Variants in TPO observed in about 807,000 individuals in gnomAD.
The protein encoded by TPO is thyroid microsomal antigen.
TPO carries 78 observed loss-of-function variants against 96.9 expected under a neutral mutation model. The observed-to-expected ratio is 0.81, with a 90% CI of 0.67 to 0.97. The LOEUF (loss-of-function observed/expected upper bound fraction) is 0.97. Ranked by LOEUF, TPO falls within the 50% of genes least tolerant of loss-of-function variation. The probability of loss-of-function intolerance (pLI) is 0.00; values close to 1 mark genes in which losing one functional copy is unlikely to be tolerated. For missense variants in TPO, 1,252 were observed against 1,274.8 expected, an observed-to-expected ratio of 0.98 and a Z score of 0.27; for synonymous variants, 547 against 538.0, an observed-to-expected ratio of 1.02 and a Z score of -0.23.
chr2:1,392,739 A>G (rs1312988952), intron 1 of TPO, among the ~76,000 whole-genome samples: 1 of 152,152 alleles, frequency 6.6e-6, no homozygotes, highest in African/African-American at 2.4e-5. Context: ...GTGTTTGTCC[A>G]GGAATTTATC....
At chr2:1,463,008 T>A (rs28910579) in intron 7 of TPO, among the ~76,000 whole-genome samples, 1 of 152,234 alleles carries the variant, frequency 6.6e-6, no homozygotes, top group Non-Finnish European at 1.5e-5. Context: ...ATGTTCATTA[T>A]TGAGCATATA....
At chr2:1,386,157 T>C (rs906943605) in intron 1 of TPO, among the ~76,000 whole-genome samples, 3 of 152,158 alleles carry the variant, frequency 2.0e-5, no homozygotes, top group African/African-American at 7.2e-5. Context: ...TTGGAATAGG[T>C]GCGGGTGTGG....
chr2:1,405,067 G>A (rs898919364), intron 1 of TPO, among the ~76,000 whole-genome samples: 1 of 37,624 alleles, frequency 2.7e-5, no homozygotes, highest in African/African-American at 1.1e-4. Context: ...CACCCGCATA[G>A]ACATCGAGTC....
intron 2 of TPO, among the ~76,000 whole-genome samples, chr2:1,422,372 G>A (rs867548810): frequency 2.1e-5 from 3 of 143,822 alleles, no homozygotes; most frequent in East Asian, 4.0e-4. Context: ...GCGCTGGACC[G>A]ACCTCGTGCA....
chr2:1,521,719 G>T (rs1675288722), intron 15 of TPO, among the ~76,000 whole-genome samples: 1 of 152,054 alleles, frequency 6.6e-6, no homozygotes, highest in Non-Finnish European at 1.5e-5. Context: ...TGTTGTAGTG[G>T]AATCCTTCAG....
chr2:1,482,185 C>G (rs1670713701), intron 8 of TPO, among the ~76,000 whole-genome samples: 1 of 152,220 alleles, frequency 6.6e-6, no homozygotes, highest in South Asian at 2.1e-4. Context: ...CTGTTTCCCA[C>G]CGTCGGTGAC....
At position 1,477,175 on chromosome 2, in the gene TPO, G is replaced by A. The variant is rs1433208263; in HGVS notation, c.909G>A (p.Ala303=). The change falls in exon 8 of 17, where the codon GCG becomes GCA. Residue 303 remains alanine (A), a synonymous_variant. Coordinates refer to ENST00000329066, the MANE Select transcript of TPO (RefSeq NM_001206744.2). ...SAACGTGDQG[A]LFGNLSTANP... ...CCTGCGGCACCGGGGACCAAGGCGC[G>A]CTCTTTGGGAACCTGTCCACGGCCA... is the stretch of plus-strand genomic sequence containing the variant. 6.2e-7 allele frequency: 1 copy of A among 1,609,788 alleles called. No individual in the cohort carries two copies. Among genetic ancestry groups the A allele is most frequent in the East Asian group, 2.2e-5 (1 of 44,752 alleles).
intron 7 of TPO, among the ~76,000 whole-genome samples, chr2:1,457,517 G>T (rs28910577): frequency 0.14 from 4,517 of 32,482 alleles, 564 homozygotes; most frequent in East Asian, 0.34. Flanking sequence ...GTATGATACT[G>T]TGGGTACACA....
intron 15 of TPO, among the ~76,000 whole-genome samples, chr2:1,536,008 A>T (rs1573645219): frequency 1.1e-4 from 1 of 9,024 alleles, no homozygotes; most frequent in Non-Finnish European, 1.8e-4. Flanking sequence ...ACTCTGCGCA[A>T]CCTCCTCAAA....
intron 5 of TPO, among the ~76,000 whole-genome samples, chr2:1,441,447 A>G (rs1432334207): frequency 6.6e-6 from 1 of 152,196 alleles, no homozygotes; most frequent in Non-Finnish European, 1.5e-5. Flanking sequence ...ACATTTTAGA[A>G]TCTCTAAATA....
At chr2:1,481,603 G>C (rs375929844) in intron 8 of TPO, among the ~76,000 whole-genome samples, 4 of 152,240 alleles carry the variant, frequency 2.6e-5, no homozygotes, top group South Asian at 2.1e-4. Flanking sequence ...TCGGGGCAGG[G>C]GCTGCATCCC....
At chr2:1,540,777 A>G (rs1372894507) in intron 16 of TPO, 54 bp downstream of exon 16, 5 of 1,612,912 alleles carry the variant, frequency 3.1e-6, no homozygotes, top group Non-Finnish European at 3.4e-6. Flanking sequence ...GTTGGACAGG[A>G]TCTGGGTGTC....
At chr2:1,507,277 G>A (rs1673569224) in intron 14 of TPO, among the ~76,000 whole-genome samples, 1 of 152,138 alleles carries the variant, frequency 6.6e-6, no homozygotes, top group Non-Finnish European at 1.5e-5. Context: ...TGCTGTTTTG[G>A]TTACTGTAGC....
At chr2:1,388,740 C>A (rs1236187897) in intron 1 of TPO, among the ~76,000 whole-genome samples, 1 of 152,128 alleles carries the variant, frequency 6.6e-6, no homozygotes, top group Non-Finnish European at 1.5e-5. Context: ...TCTGACAAGC[C>A]CCAGTGAGAT....
intron 8 of TPO, among the ~76,000 whole-genome samples, chr2:1,479,245 A>G (rs1670306279): frequency 6.6e-6 from 1 of 152,178 alleles, no homozygotes; most frequent in South Asian, 2.1e-4. Flanking sequence ...TCAACCCCTG[A>G]GGCCTTCGGC....
At chr2:1,406,759 G>A (rs55709027) in intron 1 of TPO, among the ~76,000 whole-genome samples, 3,182 of 152,326 alleles carry the variant, frequency 0.021, 117 homozygotes, top group African/African-American at 0.073. Flanking sequence ...ACAAGCTCCT[G>A]TTCTGCCATT....
At chr2:1,538,272 T>C (rs1398159660) in intron 15 of TPO, among the ~76,000 whole-genome samples, 2 of 152,174 alleles carry the variant, frequency 1.3e-5, no homozygotes, top group African/African-American at 2.4e-5. Flanking sequence ...ATTTCTCATC[T>C]TAAGGTGGTG....
At chr2:1,375,209 G>C (rs1661704618) in intron 1 of TPO, among the ~76,000 whole-genome samples, 1 of 151,984 alleles carries the variant, frequency 6.6e-6, no homozygotes, top group Non-Finnish European at 1.5e-5. Flanking sequence ...TGGTTAGGCA[G>C]ACGATAGGAG....
At chr2:1,471,448 C>CCG (rs894675430) in intron 7 of TPO, among the ~76,000 whole-genome samples, 3 of 151,804 alleles carry the variant, frequency 2.0e-5, no homozygotes, top group Admixed American at 6.6e-5. Context: ...TGACCCCCCC[C>CCG]CACAAATTTT....
Sources: allele counts gnomAD v4.1 joint callset (sites outside exome capture counted in the v4.1 genomes callset), GRCh38; gene constraint gnomAD v4.1.1; transcripts MANE v1.5; gene names NCBI Gene and HGNC (gene_info 2026-07-23, HGNC 2026-07-21).